COPG2: variants seen among roughly 807,000 people sequenced by gnomAD.
COPG2 encodes the protein coat protein complex I subunit gamma 2.
Under a neutral mutation model 46.3 loss-of-function variants are expected in COPG2, and 37 were observed. That is an observed-to-expected ratio of 0.80 (90% CI 0.61 to 1.05). The LOEUF is 1.05. Among genes scored for constraint, COPG2 ranks in the 50% least tolerant of loss-of-function variants. The pLI is 0.00. For missense variants in COPG2, 427 were observed against 387.8 expected (o/e 1.10, Z -0.85); for synonymous variants, 159 against 129.7 (o/e 1.23, Z -1.53).
intron 20 of COPG2, among the ~76,000 whole-genome samples, chr7:130,523,188 T>C (rs1159827686): frequency 7.2e-6 from 1 of 139,174 alleles, no homozygotes; most frequent in Non-Finnish European, 1.5e-5. Context: ...CAGGTGGCCA[T>C]AGGGAGTCAA....
At chr7:130,645,283 A>G in intron 5 of COPG2, 1 of 628,198 alleles carries the variant, frequency 1.6e-6, no homozygotes, top group Non-Finnish European at 3.1e-6. Context: ...GGGGGCCACA[A>G]AATACTCCTT....
intron 9 of COPG2, among the ~76,000 whole-genome samples, chr7:130,589,044 TC>T (rs1432706368): frequency 1.1e-4 from 16 of 152,312 alleles, no homozygotes; most frequent in Middle Eastern, 6.8e-3. Context: ...GTTTTTTTTT[TC>T]ATGAAACAAT....
At chr7:130,525,319 C>T (rs1237849491) in intron 20 of COPG2, among the ~76,000 whole-genome samples, 1 of 152,036 alleles carries the variant, frequency 6.6e-6, no homozygotes, top group Non-Finnish European at 1.5e-5. Context: ...GTTTCATGAC[C>T]GTCATCAAGG....
intron 9 of COPG2, among the ~76,000 whole-genome samples, chr7:130,566,129 A>G (rs920499760): frequency 1.0e-3 from 159 of 152,358 alleles, no homozygotes; most frequent in African/African-American, 3.6e-3. Context: ...ATACAAAAAT[A>G]TTCAAATATA....
In COPG2 at chr7:130,605,178, C is replaced by T. The variant is rs781956691; in HGVS notation, c.737+5775G>A. On this transcript the variant is annotated intron_variant, in intron 9 of 23. Transcript: ENST00000425248. ...TTCTCTCTGTTCTTCAAACTAGCTA[C>T]TTTCTCCTGCTCTATCTTCAAATTC... 5 of 519,496 alleles carry T rather than the reference C, an allele frequency of 9.6e-6. No homozygotes were observed. In the East Asian group the frequency reaches 2.7e-4, roughly 28 times the overall value. The allele number at this position is 519,496 out of a possible 1,614,324, so 32.2% of individuals were successfully genotyped here.
chr7:130,619,035 A>C (rs1794994721), intron 5 of COPG2, among the ~76,000 whole-genome samples: 1 of 152,076 alleles, frequency 6.6e-6, no homozygotes, highest in Non-Finnish European at 1.5e-5. Context: ...TTTTAAACTA[A>C]TCTGTATTTC....
At chr7:130,613,177 C>G (rs1794885255) in intron 7 of COPG2, among the ~76,000 whole-genome samples, 1 of 152,134 alleles carries the variant, frequency 6.6e-6, no homozygotes. Flanking sequence ...GATCATTAGG[C>G]ATTAGATTCT....
chr7:130,660,215 C>A (rs1458876316), intron 4 of COPG2, among the ~76,000 whole-genome samples: 1 of 152,178 alleles, frequency 6.6e-6, no homozygotes, highest in Non-Finnish European at 1.5e-5. Context: ...CTACTTACCT[C>A]AGTCACTACA....
intron 9 of COPG2, among the ~76,000 whole-genome samples, chr7:130,606,881 T>C (rs1314467453): frequency 6.6e-6 from 1 of 152,238 alleles, no homozygotes; most frequent in Non-Finnish European, 1.5e-5. Context: ...AGCTCTAGAA[T>C]TTCTACTTAG....
At chr7:130,595,810 C>A (rs1326668034) in intron 9 of COPG2, among the ~76,000 whole-genome samples, 2 of 152,176 alleles carry the variant, frequency 1.3e-5, no homozygotes, top group Non-Finnish European at 2.9e-5. Flanking sequence ...GGGACCCCCC[C>A]CCTCCAGCCT....
At chr7:130,651,321 T>C (rs1554459020) in intron 5 of COPG2, among the ~76,000 whole-genome samples, 3 of 142,356 alleles carry the variant, frequency 2.1e-5, no homozygotes, top group Non-Finnish European at 4.7e-5. Context: ...ATACATAAAA[T>C]GTTTTTTTTT....
At chr7:130,633,921 T>C (rs1182358354) in intron 5 of COPG2, among the ~76,000 whole-genome samples, 1 of 152,182 alleles carries the variant, frequency 6.6e-6, no homozygotes, top group Non-Finnish European at 1.5e-5. Flanking sequence ...GGGGTCCAGT[T>C]TGAGTTTTCT....
rs782663066 is a variant in COPG2, at chr7:130,652,958, CA to C, written c.244-11del. On this transcript the variant is annotated splice_polypyrimidine_tract_variant and intron_variant, in intron 4 of 23. Coordinates refer to ENST00000425248, the MANE Select transcript of COPG2 (RefSeq NM_012133.6). ...TTCTCCTCAATGTTTGCTGAAAAAT[CA>C]TTTATAAAAGGTAACAGATTATTGA... 5.1e-6 allele frequency: 8 copies of C among 1,567,380 alleles called. No homozygotes were observed. The South Asian group carries it at 8.1e-5, about 16-fold the overall frequency.
chr7:130,551,726 T>C (rs1584970929), intron 15 of COPG2, among the ~76,000 whole-genome samples: 1 of 152,312 alleles, frequency 6.6e-6, no homozygotes, highest in East Asian at 1.9e-4. Flanking sequence ...AAATTCAAAA[T>C]CCAGCCACTG....
At chr7:130,513,321 A>ATGTGTGTGTGTGTGTGTG (rs1294483694) in intron 20 of COPG2, among the ~76,000 whole-genome samples, 2 of 42,718 alleles carry the variant, frequency 4.7e-5, no homozygotes, top group Non-Finnish European at 9.0e-5. Flanking sequence ...ATATATATAT[A>ATGTGTGTGTGTGTGTGTG]TATATATATA....
At chr7:130,657,320 G>T (rs1795877146) in intron 4 of COPG2, among the ~76,000 whole-genome samples, 1 of 152,090 alleles carries the variant, frequency 6.6e-6, no homozygotes, top group South Asian at 2.1e-4. Flanking sequence ...GGAAGAGGCA[G>T]TGGATGGAGG....
intron 9 of COPG2, among the ~76,000 whole-genome samples, chr7:130,584,400 C>T (rs1051151154): frequency 2.6e-5 from 4 of 151,974 alleles, no homozygotes; most frequent in Non-Finnish European, 5.9e-5. Flanking sequence ...AGAACTGAAA[C>T]AAGATAACGA....
In COPG2 at chr7:130,668,684, A is replaced by G. The variant is rs782172247; in HGVS notation, c.-16T>C. On this transcript the variant is annotated 5_prime_UTR_variant, in exon 1 of 24. Coordinates refer to ENST00000425248, the MANE Select transcript of COPG2 (RefSeq NM_012133.6). The stretch of plus-strand genomic sequence containing the variant: ...TTTTAATCATCTTGGACGACTTCCC[A>G]GCGCCCAGACCCACCGCAACCGTCC... The G allele has an allele frequency of 8.9e-5, 137 of 1,532,430 alleles. No homozygotes were observed. The highest frequency in any genetic ancestry group is 1.1e-4 in the Non-Finnish European group (126 of 1,141,180). The allele number at this position is 1,532,430 out of a possible 1,614,324, so 94.9% of individuals were successfully genotyped here.
At chr7:130,514,483 T>C (rs1003524751) in intron 20 of COPG2, among the ~76,000 whole-genome samples, 9 of 152,172 alleles carry the variant, frequency 5.9e-5, no homozygotes, top group African/African-American at 1.9e-4. Context: ...TACTCTGTCA[T>C]GTGAAGATTT....
Sources: gnomAD v4.1 joint callset for allele counts (sites outside exome capture counted in the v4.1 genomes callset) on GRCh38, gnomAD v4.1.1 for gene constraint, MANE v1.5 for transcripts, NCBI Gene and HGNC (gene_info 2026-07-23, HGNC 2026-07-21) for gene names.